The following TRANK1 variants were observed in gnomAD, a reference collection of about 807,000 sequenced individuals.
The protein encoded by TRANK1 is tetratricopeptide repeat and ankyrin repeat containing 1.
A neutral mutation model predicts 266.0 loss-of-function variants in TRANK1; 198 were observed. The observed-to-expected ratio is 0.74, with a 90% CI of 0.66 to 0.84. The LOEUF (loss-of-function observed/expected upper bound fraction) is 0.84, where lower values mean the gene tolerates loss of function less well. Ranked by LOEUF, TRANK1 falls within the 40% of genes least tolerant of loss-of-function variation. The pLI, the probability that TRANK1 is intolerant of heterozygous loss-of-function variation, is 0.00. For missense variants in TRANK1, 3,326 were observed against 3,634.6 expected, an observed-to-expected ratio of 0.92 and a Z score of 2.18; for synonymous variants, 1,396 against 1,384.1, an observed-to-expected ratio of 1.01 and a Z score of -0.19.
chr3:36,886,948 C>CTGTTGTG (rs1467356725), intron 8 of TRANK1, among the ~76,000 whole-genome samples: 2 of 142,974 alleles, frequency 1.4e-5, no homozygotes, highest in Non-Finnish European at 3.0e-5. Context: ...GCTCTGTTGC[C>CTGTTGTG]CAGGCTGTTG....
intron 1 of TRANK1, among the ~76,000 whole-genome samples, chr3:36,919,633 G>A (rs2080187349): frequency 6.6e-6 from 1 of 152,184 alleles, no homozygotes; most frequent in African/African-American, 2.4e-5. Context: ...TTCTTCCCAG[G>A]AGTGGATCTG....
rs531921467 is a variant in TRANK1 at position 36,941,098 on chromosome 3, C to T, written c.23+3689G>A. 2.6e-5 allele frequency among the ~76,000 whole-genome samples: 4 copies of T among 152,238 alleles called. No homozygotes were observed. In the South Asian group the frequency reaches 8.3e-4, roughly 32 times the overall value. On this transcript the variant is annotated intron_variant, in intron 1 of 23. Transcript: ENST00000645898. ...CAAGGCTGCTGTCTGAGCATTCTTG[C>T]CCCAGTGAATGAAGATCACCCAATA...
intron 2 of TRANK1, among the ~76,000 whole-genome samples, chr3:36,905,545 C>T (rs2079953103): frequency 6.6e-6 from 1 of 152,134 alleles, no homozygotes; most frequent in South Asian, 2.1e-4. Context: ...GCCTGTAGAA[C>T]TTTGAAAAAT....
chr3:36,892,826 TCAAAA>T (rs1318280243), intron 6 of TRANK1, 70 bp downstream of exon 6: 491 of 615,582 alleles, frequency 8.0e-4, no homozygotes, highest in South Asian at 2.0e-3. Context: ...AGACTCAGTC[TCAAAA>T]CAAAACAAAA....
At chr3:36,935,447 T>A (rs1412529098) in intron 1 of TRANK1, among the ~76,000 whole-genome samples, 2 of 3,610 alleles carry the variant, frequency 5.5e-4, no homozygotes, top group South Asian at 0.036. Flanking sequence ...CCTGAATTCT[T>A]TTTTTTTTTT....
In TRANK1 at chr3:36,852,136, A is replaced by C; in HGVS notation, c.4749+10T>G. ...TTTTATTTCAAAACATAAAATCCCA[A>C]GCAGCTCACCTGGTGGGCTCCAAAT... On this transcript the variant is annotated intron_variant, in intron 14 of 23. Transcript: ENST00000645898. 6.4e-7 allele frequency: 1 copy of C among 1,567,926 alleles called. No individual in the cohort carries two copies. The highest frequency in any genetic ancestry group is 8.6e-7 in the Non-Finnish European group (1 of 1,164,390).
chr3:36,842,485 C>T (rs1426836976), intron 18 of TRANK1, 137 bp downstream of exon 18: 2 of 731,390 alleles, frequency 2.7e-6, no homozygotes, highest in Non-Finnish European at 4.7e-6. Context: ...CTTGAGGTGA[C>T]CTGATGTTTC....
At chr3:36,923,511 A>C (rs4678916) in intron 1 of TRANK1, among the ~76,000 whole-genome samples, 12,504 of 152,070 alleles carry the variant, frequency 0.082, 673 homozygotes, top group African/African-American at 0.13. Context: ...CTGCCTCGGC[A>C]TCCCAAAGTG....
intron 1 of TRANK1, among the ~76,000 whole-genome samples, chr3:36,922,754 C>T (rs1326465826): frequency 4.0e-5 from 6 of 150,158 alleles, no homozygotes; most frequent in Admixed American, 1.3e-4. Context: ...CCAGCCTGGG[C>T]GACAGAGCAA....
chr3:36,917,595 A>T (rs2080144551), intron 1 of TRANK1, among the ~76,000 whole-genome samples: 1 of 152,156 alleles, frequency 6.6e-6, no homozygotes, highest in South Asian at 2.1e-4. Flanking sequence ...AGATGTTGGA[A>T]GTTTGGTGGG....
chr3:36,857,364 C>T lies in TRANK1; in HGVS notation c.2358G>A (p.Val786=), dbSNP rs747012190. 1 of 1,606,964 alleles carries T rather than the reference C, an allele frequency of 6.2e-7. No homozygotes were observed. The highest frequency in any genetic ancestry group is 8.5e-7 in the Non-Finnish European group (1 of 1,176,788). Reference sequence around the variant, plus strand: ...GGCCCACCTGAGCATGTCCTTCCCCCACCTCACTACAGTCAGGGGCCCCTG... The same window carrying T: ...GGCCCACCTGAGCATGTCCTTCCCCTACCTCACTACAGTCAGGGGCCCCTG... ...LGAGAPDCSE[V]GEGHAQVGLG... The change falls in exon 13 of 24, where the codon GTG becomes GTA. Residue 786 remains valine, a synonymous_variant. Transcript: ENST00000645898. This position sits in a 1 kb window ranked among gnomAD's most constrained non-coding sequence, Gnocchi z 4.3.
chr3:36,830,684 G>A (rs1271447367), intron 22 of TRANK1, among the ~76,000 whole-genome samples, 189 bp downstream of exon 22: 1 of 152,156 alleles, frequency 6.6e-6, no homozygotes, highest in African/African-American at 2.4e-5. Context: ...ACTTTTAACT[G>A]GGGGAGGGGT....
intron 15 of TRANK1, among the ~76,000 whole-genome samples, chr3:36,849,510 C>A (rs1263637054): frequency 1.3e-5 from 2 of 152,170 alleles, no homozygotes; most frequent in Non-Finnish European, 2.9e-5. Context: ...CTCAACCCAC[C>A]CACATATAAG....
At chr3:36,905,469 G>A (rs531694159) in intron 2 of TRANK1, among the ~76,000 whole-genome samples, 3 of 152,310 alleles carry the variant, frequency 2.0e-5, no homozygotes, top group East Asian at 3.9e-4. Flanking sequence ...AACACAGTGA[G>A]AAGGCAACCA....
At chr3:36,904,421 G>A (rs2079931153) in intron 2 of TRANK1, among the ~76,000 whole-genome samples, 1 of 151,820 alleles carries the variant, frequency 6.6e-6, no homozygotes, top group African/African-American at 2.4e-5. Context: ...ATGGCAGGCT[G>A]AGGCAGGAGA....
chr3:36,890,481 CAG>C lies in TRANK1; in HGVS notation c.776-523_776-522del, dbSNP rs1298916183. ...AATGCACTCAGGGAGAGGCAAGGTC[CAG>C]AGAGAACCTCTCTGGGAAGTGGTTT... On this transcript the variant is annotated intron_variant, in intron 7 of 23. Transcript: ENST00000645898. Among the ~76,000 whole-genome samples the C allele has an allele frequency of 3.3e-5, 5 of 152,202 alleles. No homozygotes were observed. The South Asian group carries it at 1.0e-3, about 32-fold the overall frequency.
Position 36,831,614 on chromosome 3 carries a change from C to A in TRANK1, c.7969G>T (p.Gly2657Trp). ...DWRWDPVHTK[G>W]SIVRGLYYEE... ...TAATAGAGGCCACGGACTATGGACCCTTTGGTGTGCACAGGGTCCCACCGC... is the reference window on the plus strand; with the variant it reads ...TAATAGAGGCCACGGACTATGGACCATTTGGTGTGCACAGGGTCCCACCGC... Residue 2657 changes from glycine (G) to tryptophan (W), a missense_variant, in exon 22 of 24, where the codon GGG becomes TGG. Coordinates refer to ENST00000645898, the MANE Select transcript of TRANK1 (RefSeq NM_001329998.2). This position sits in a 1 kb window ranked among gnomAD's most constrained non-coding sequence, Gnocchi z 5.0. 6.2e-7 allele frequency: 1 copy of A among 1,613,892 alleles called. No homozygotes were observed. The highest frequency in any genetic ancestry group is 8.5e-7 in the Non-Finnish European group (1 of 1,179,832).
intron 3 of TRANK1, among the ~76,000 whole-genome samples, chr3:36,901,185 G>A (rs538339472): frequency 6.0e-5 from 9 of 148,878 alleles, no homozygotes; most frequent in Middle Eastern, 7.0e-3. Context: ...GGATTATTTC[G>A]AGCTGAAGGT....
At chr3:36,829,452 T>C (rs2078666654) in intron 23 of TRANK1, 112 bp downstream of exon 23, 1 of 917,610 alleles carries the variant, frequency 1.1e-6, no homozygotes, top group African/African-American at 1.6e-5. Flanking sequence ...ACAGTGAGAG[T>C]CCACTATTGA....
Sources: allele counts gnomAD v4.1 joint callset (sites outside exome capture counted in the v4.1 genomes callset), GRCh38; gene constraint gnomAD v4.1.1; non-coding constraint Gnocchi (gnomAD v3.1); transcripts MANE v1.5; gene names NCBI Gene and HGNC (gene_info 2026-07-23, HGNC 2026-07-21).